The following NREP variants were observed in gnomAD, a reference collection of about 807,000 sequenced individuals.
The protein encoded by NREP is neuronal regeneration related protein, also known as neuronal regeneration-related protein.
NREP carries 5 observed loss-of-function variants against 8.6 expected under a neutral mutation model. The observed-to-expected ratio is 0.58, with a 90% CI of 0.30 to 1.22. The LOEUF (loss-of-function observed/expected upper bound fraction) is 1.22. NREP is among the 50% of genes most tolerant of loss of function. The pLI, the probability that NREP is intolerant of heterozygous loss-of-function variation, is 0.07. For synonymous variants in NREP, 27 were observed against 28.0 expected (o/e 0.96, Z 0.11); for missense variants, 86 against 82.5 (o/e 1.04, Z -0.17).
intron 2 of NREP, among the ~76,000 whole-genome samples, chr5:111,945,671 T>C (rs1347649686): frequency 6.6e-6 from 1 of 151,840 alleles, no homozygotes; most frequent in African/African-American, 2.4e-5. Context: ...CACAGAGAAC[T>C]AGGAATGTAA....
chr5:111,947,183 A>AT (rs1297619827), intron 2 of NREP, among the ~76,000 whole-genome samples: 3 of 151,908 alleles, frequency 2.0e-5, no homozygotes, highest in Non-Finnish European at 4.4e-5. Flanking sequence ...ACAATATCTC[A>AT]TAGTTGTCTG....
At chr5:111,881,581 C>G (rs1401448244) in intron 2 of NREP, among the ~76,000 whole-genome samples, 1 of 152,166 alleles carries the variant, frequency 6.6e-6, no homozygotes, top group Non-Finnish European at 1.5e-5. Flanking sequence ...AGGCACCCCC[C>G]AGTAGGGGCA....
intron 2 of NREP, among the ~76,000 whole-genome samples, chr5:111,863,391 C>A (rs1048813714): frequency 6.6e-6 from 1 of 151,942 alleles, no homozygotes; most frequent in East Asian, 1.9e-4. Context: ...ATAGAGAAGT[C>A]GAGGTGAGTA....
intron 2 of NREP, among the ~76,000 whole-genome samples, chr5:111,797,719 G>A: frequency 6.6e-6 from 1 of 152,122 alleles, no homozygotes; most frequent in South Asian, 2.1e-4. Context: ...TGAGAGAGCT[G>A]GTAGCGGCCT....
chr5:111,882,418 C>T (rs553947672), intron 2 of NREP, among the ~76,000 whole-genome samples: 2 of 152,186 alleles, frequency 1.3e-5, no homozygotes, highest in African/African-American at 4.8e-5. Context: ...AGGATATTAT[C>T]CAGGAGAACT....
chr5:111,777,053 G>C (rs1370604996), intron 2 of NREP, among the ~76,000 whole-genome samples: 1 of 151,628 alleles, frequency 6.6e-6, no homozygotes, highest in African/African-American at 2.4e-5. Flanking sequence ...GGAGGAGGAG[G>C]AAGAAGAGGA....
intron 2 of NREP, among the ~76,000 whole-genome samples, chr5:111,888,778 A>G (rs1754323223): frequency 6.6e-6 from 1 of 152,176 alleles, no homozygotes; most frequent in African/African-American, 2.4e-5. Flanking sequence ...TGCACTGAAA[A>G]GGAGATGGAT....
intron 2 of NREP, among the ~76,000 whole-genome samples, chr5:111,810,889 T>C (rs1439143201): frequency 6.6e-6 from 1 of 152,224 alleles, no homozygotes; most frequent in African/African-American, 2.4e-5. Context: ...AGTAATTCTT[T>C]CAAGTGCATT....
chr5:111,960,246 A>G (rs1756442922), intron 2 of NREP, among the ~76,000 whole-genome samples: 1 of 152,102 alleles, frequency 6.6e-6, no homozygotes, highest in Admixed American at 6.5e-5. Flanking sequence ...CTGAAATCTC[A>G]CTATATTCAA....
At chr5:111,889,501 C>A (rs961337444) in intron 2 of NREP, among the ~76,000 whole-genome samples, 2 of 152,170 alleles carry the variant, frequency 1.3e-5, no homozygotes, top group African/African-American at 4.8e-5. Flanking sequence ...CCCTTACTCC[C>A]CCTAAAACTT....
chr5:111,972,264 G>T (rs1030909018), intron 2 of NREP, among the ~76,000 whole-genome samples: 1 of 152,084 alleles, frequency 6.6e-6, no homozygotes, highest in African/African-American at 2.4e-5. Flanking sequence ...TAGTGTAAAG[G>T]GAACCACTGC....
chr5:111,840,243 G>A (rs767794366), intron 2 of NREP, among the ~76,000 whole-genome samples: 5 of 151,840 alleles, frequency 3.3e-5, no homozygotes, highest in African/African-American at 7.3e-5. Flanking sequence ...AAAAGAGATC[G>A]GCTAGTATTT....
chr5:111,930,633 G>C (rs1389210294), intron 2 of NREP, among the ~76,000 whole-genome samples: 1 of 152,134 alleles, frequency 6.6e-6, no homozygotes, highest in Non-Finnish European at 1.5e-5. Context: ...AGGATTCACA[G>C]TTAGTTAGCT....
chr5:111,832,929 T>C (rs1006560214), intron 2 of NREP, among the ~76,000 whole-genome samples: 1 of 152,052 alleles, frequency 6.6e-6, no homozygotes, highest in Non-Finnish European at 1.5e-5. Flanking sequence ...TAAATAAGAG[T>C]AGAGCCCTAA....
intron 2 of NREP, among the ~76,000 whole-genome samples, chr5:111,766,916 C>G (rs1751098444): frequency 1.3e-5 from 2 of 152,224 alleles, no homozygotes; most frequent in Non-Finnish European, 2.9e-5. Context: ...TTGCTAAGTT[C>G]TGAAACTTCT....
At chr5:111,868,187 A>G (rs1753710853) in intron 2 of NREP, among the ~76,000 whole-genome samples, 2 of 152,314 alleles carry the variant, frequency 1.3e-5, no homozygotes, top group South Asian at 4.1e-4. Flanking sequence ...GGAATCAGAG[A>G]TAATACAGAG....
At chr5:111,830,555 A>G (rs1752743195) in intron 2 of NREP, among the ~76,000 whole-genome samples, 1 of 152,236 alleles carries the variant, frequency 6.6e-6, no homozygotes, top group African/African-American at 2.4e-5. Flanking sequence ...ACAAGCCACA[A>G]CACTCAAACT....
intron 2 of NREP, among the ~76,000 whole-genome samples, chr5:111,904,094 C>G (rs1754718373): frequency 6.6e-6 from 1 of 152,042 alleles, no homozygotes; most frequent in Non-Finnish European, 1.5e-5. Context: ...GAAAATTGAG[C>G]AGCTATTAGA....
intron 2 of NREP, among the ~76,000 whole-genome samples, chr5:111,877,831 C>T (rs1203568291): frequency 2.6e-5 from 4 of 151,182 alleles, no homozygotes; most frequent in African/African-American, 9.8e-5. Context: ...TCAGACAGAC[C>T]AAGTTGAGTT....
Sources: gnomAD v4.1 joint callset for allele counts (sites outside exome capture counted in the v4.1 genomes callset) on GRCh38, gnomAD v4.1.1 for gene constraint, MANE v1.5 for transcripts, NCBI Gene and HGNC (gene_info 2026-07-23, HGNC 2026-07-21) for gene names.